The following NEXMIF variants were observed in gnomAD, a reference collection of about 807,000 sequenced individuals.
NEXMIF encodes the protein XLMR protein related to neurite extension.
NEXMIF carries 8 observed loss-of-function variants against 62.1 expected under a neutral mutation model. The observed-to-expected ratio is 0.13, with a 90% confidence interval of 0.08 to 0.23. The LOEUF (loss-of-function observed/expected upper bound fraction) is 0.23, where lower values mean the gene tolerates loss of function less well. Among genes scored for constraint, NEXMIF ranks in the 10% least tolerant of loss-of-function variants. The pLI is 1.00. For synonymous variants in NEXMIF, 404 were observed against 416.6 expected, an observed-to-expected ratio of 0.97 and a Z score of 0.37; for missense variants, 976 against 1,113.3, an observed-to-expected ratio of 0.88 and a Z score of 1.75.
chrX:74,892,263 G>C (rs2080720203), intron 1 of NEXMIF, among the ~76,000 whole-genome samples: 1 of 112,067 alleles, frequency 8.9e-6, no homozygotes, highest in Non-Finnish European at 1.9e-5. Context: ...CTTTAACCTG[G>C]GCACCAGGGG....
intron 1 of NEXMIF, among the ~76,000 whole-genome samples, chrX:74,856,250 T>C (rs2080534525): frequency 8.9e-6 from 1 of 112,241 alleles, no homozygotes; most frequent in Non-Finnish European, 1.9e-5. Flanking sequence ...AAAGACAAAG[T>C]AGACATTCTA....
In NEXMIF at chrX:74,739,440, C is replaced by A; in HGVS notation, c.4516G>T (p.Glu1506Ter). ...ETTFWVLPVF[E>*]EETRIFQKDI ...TTCTGGAAAATGCGAGTCTCTTCTT[C>A]AAACACAGGTAAAACCCAAAAGGTT... The change falls in exon 4 of 4, where the codon GAA becomes TAA. Residue 1506 changes from glutamate (E) to a stop codon, truncating the protein, a stop_gained. Transcript: ENST00000055682. LOFTEE classifies it high-confidence loss of function. The A allele has an allele frequency of 8.3e-7, 1 of 1,199,739 alleles. No individual in the cohort carries two copies. Among genetic ancestry groups the A allele is most frequent in the South Asian group, 1.8e-5 (1 of 54,090 alleles).
intron 1 of NEXMIF, among the ~76,000 whole-genome samples, chrX:74,887,894 C>T (rs1170349649): frequency 8.9e-6 from 1 of 112,041 alleles, no homozygotes; most frequent in Non-Finnish European, 1.9e-5. Context: ...TTGGAACCAA[C>T]CCAAATGTCC....
intron 1 of NEXMIF, among the ~76,000 whole-genome samples, chrX:74,812,709 G>T (rs762784728): frequency 8.9e-6 from 1 of 111,786 alleles, no homozygotes; most frequent in Non-Finnish European, 1.9e-5. Context: ...AAAATCAGAG[G>T]AAAGAAGATG....
intron 1 of NEXMIF, among the ~76,000 whole-genome samples, chrX:74,797,578 G>A (rs1003079707): frequency 8.9e-6 from 1 of 112,051 alleles, no homozygotes; most frequent in Non-Finnish European, 1.9e-5. Flanking sequence ...AATTAGGGAG[G>A]AGAACAGTCT....
At chrX:74,780,155 C>T (rs1048747642) in intron 1 of NEXMIF, among the ~76,000 whole-genome samples, 7 of 112,008 alleles carry the variant, frequency 6.2e-5, no homozygotes, top group Non-Finnish European at 1.3e-4. Flanking sequence ...GTAATTGCTA[C>T]TGGTCTTTGT....
At chrX:74,780,510 A>G (rs2147458823) in intron 1 of NEXMIF, among the ~76,000 whole-genome samples, 1 of 108,437 alleles carries the variant, frequency 9.2e-6, no homozygotes, top group African/African-American at 3.4e-5. Context: ...CCGGGACTAC[A>G]GGCGTGTGCC....
At chrX:74,842,227 A>G (rs2080476263) in intron 1 of NEXMIF, among the ~76,000 whole-genome samples, 1 of 111,457 alleles carries the variant, frequency 9.0e-6, no homozygotes, top group Non-Finnish European at 1.9e-5. Flanking sequence ...GTGTCCAGAA[A>G]TTTATCCATC....
intron 1 of NEXMIF, among the ~76,000 whole-genome samples, chrX:74,805,814 T>A (rs1200199136): frequency 1.8e-5 from 2 of 112,101 alleles, no homozygotes; most frequent in Non-Finnish European, 3.8e-5. Flanking sequence ...ATTTCTTGGC[T>A]CTCTATTCTG....
chrX:74,810,466 A>T (rs769997036), intron 1 of NEXMIF, among the ~76,000 whole-genome samples: 2 of 110,889 alleles, frequency 1.8e-5, no homozygotes, highest in Non-Finnish European at 3.8e-5. Context: ...TAAGAGTAAG[A>T]GCACTGAATT....
At chrX:74,823,755 G>A (rs2080405476) in intron 1 of NEXMIF, among the ~76,000 whole-genome samples, 1 of 110,460 alleles carries the variant, frequency 9.1e-6, no homozygotes, top group African/African-American at 3.3e-5. Flanking sequence ...AATGAACACT[G>A]TGTAAGACTA....
chrX:74,873,862 G>A (rs1333426579), intron 1 of NEXMIF, among the ~76,000 whole-genome samples: 1 of 110,759 alleles, frequency 9.0e-6, no homozygotes, highest in African/African-American at 3.3e-5. Context: ...TTGTAAATTT[G>A]TTTGAGTTCA....
At chrX:74,864,507 G>C (rs1298676613) in intron 1 of NEXMIF, among the ~76,000 whole-genome samples, 1 of 111,258 alleles carries the variant, frequency 9.0e-6, no homozygotes, top group African/African-American at 3.3e-5. Flanking sequence ...CCATGCTGTT[G>C]TTATAATAGT....
intron 1 of NEXMIF, among the ~76,000 whole-genome samples, chrX:74,822,763 G>A (rs1339636985): frequency 8.9e-6 from 1 of 111,922 alleles, no homozygotes; most frequent in Non-Finnish European, 1.9e-5. Flanking sequence ...AGATAAATTG[G>A]TCCCTCTGAC....
chrX:74,765,391 G>C (rs747337630), intron 1 of NEXMIF, among the ~76,000 whole-genome samples: 6 of 111,561 alleles, frequency 5.4e-5, no homozygotes, highest in Middle Eastern at 4.6e-3. Flanking sequence ...TTACCACTCT[G>C]TGCTTTTTAA....
intron 1 of NEXMIF, among the ~76,000 whole-genome samples, chrX:74,854,666 A>G (rs190812983): frequency 8.9e-6 from 1 of 112,091 alleles, no homozygotes; most frequent in East Asian, 2.8e-4. Flanking sequence ...ATGATCTTGT[A>G]TCTAGAAAAA....
At chrX:74,796,133 A>T (rs2080306258) in intron 1 of NEXMIF, among the ~76,000 whole-genome samples, 1 of 77,208 alleles carries the variant, frequency 1.3e-5, no homozygotes, top group South Asian at 5.4e-4. Context: ...ATTTATATAT[A>T]ATATATATAT....
intron 1 of NEXMIF, among the ~76,000 whole-genome samples, chrX:74,869,352 CAAAAGTTAGTATCATACT>C (rs1328185013): frequency 9.0e-6 from 1 of 111,209 alleles, no homozygotes; most frequent in Admixed American, 9.6e-5. Context: ...TATGACAGAC[CAAAAGTTAGTATCATACT>C]GAATGAGGAA....
At chrX:74,882,323 G>A (rs756042283) in intron 1 of NEXMIF, among the ~76,000 whole-genome samples, 19 of 111,988 alleles carry the variant, frequency 1.7e-4, no homozygotes, top group Admixed American at 3.8e-4. Flanking sequence ...GCAGTGCACC[G>A]TGCGTGAGTC....
Sources: allele counts gnomAD v4.1 joint callset (sites outside exome capture counted in the v4.1 genomes callset), GRCh38; gene constraint gnomAD v4.1.1; transcripts MANE v1.5; gene names NCBI Gene and HGNC (gene_info 2026-07-23, HGNC 2026-07-21).